ISLR2: variants seen among roughly 807,000 people sequenced by gnomAD.
The protein encoded by ISLR2 is immunoglobulin superfamily containing leucine rich repeat 2, also known as immunoglobulin superfamily containing leucine-rich repeat protein 2.
ISLR2 carries 16 observed loss-of-function variants against 25.5 expected under a neutral mutation model. That is an observed-to-expected ratio of 0.63 (90% CI 0.43 to 0.95). The LOEUF (loss-of-function observed/expected upper bound fraction) is 0.95. Among genes scored for constraint, ISLR2 ranks in the 40% least tolerant of loss-of-function variants. The probability of loss-of-function intolerance (pLI) is 0.00; values close to 1 mark genes in which losing one functional copy is unlikely to be tolerated. For missense variants in ISLR2, 883 were observed against 1,030.7 expected (o/e 0.86, Z 1.96); for synonymous variants, 508 against 486.6 (o/e 1.04, Z -0.58).
chr15:74,130,348 G>C (rs1479069753), upstream of ISLR2: 1 of 152,110 alleles, frequency 6.6e-6, no homozygotes, highest in Non-Finnish European at 1.5e-5. Flanking sequence ...GGGAGGAGGC[G>C]GCTAGCAGCG....
chr15:74,133,555 G>A lies in ISLR2; in HGVS notation c.801G>A (p.Thr267=). 1.2e-6 allele frequency: 2 copies of A among 1,614,122 alleles called. No homozygotes were observed. The highest frequency in any genetic ancestry group is 1.7e-6 in the Non-Finnish European group (2 of 1,179,990). The change falls in exon 3 of 3, where the codon ACG becomes ACA. Residue 267 remains threonine, a synonymous_variant. Transcript: ENST00000453268. ...VLHCIADGHP[T]PRLQWQLQIP... Reference sequence around the variant, plus strand: ...ACTGCATCGCCGACGGCCACCCTACGCCTCGCCTGCAATGGCAACTTCAGA... The same window carrying A: ...ACTGCATCGCCGACGGCCACCCTACACCTCGCCTGCAATGGCAACTTCAGA...
At position 74,134,072 on chromosome 15, in the gene ISLR2, A is replaced by G. The variant is rs780472428; in HGVS notation, c.1318A>G (p.Ser440Gly). The G allele has an allele frequency of 3.2e-5, 52 of 1,613,564 alleles. No homozygotes were observed. The Middle Eastern group carries it at 6.6e-4, about 20-fold the overall frequency. The change falls in exon 3 of 3, where the codon AGT (serine) becomes GGT (glycine). Residue 440 changes from serine (S) to glycine (G), a missense_variant. By Grantham distance (56) the Ser-to-Gly change is moderately conservative. This residue lies in a region of ISLR2 where 612 missense variants were observed against 642.8 expected (regional missense o/e 0.95). Coordinates refer to ENST00000453268, the MANE Select transcript of ISLR2 (RefSeq NM_020851.3). The part of the protein sequence containing the change: ...ETETEPEEDT[S>G]EGEEAEDQIL... ...CGAGACGGAGCCGGAGGAGGACACA[A>G]GTGAGGGAGAGGAGGCCGAAGACCA...
At chr15:74,138,920 C>G (rs536904813), downstream of ISLR2, among the ~76,000 whole-genome samples, 2 of 152,314 alleles carry the variant, frequency 1.3e-5, no homozygotes, top group South Asian at 4.1e-4. Flanking sequence ...TGGGAACAGG[C>G]CTGGCTGGGC....
intron 2 of ISLR2, among the ~76,000 whole-genome samples, chr15:74,104,099 C>G (rs977182319): frequency 2.6e-5 from 4 of 152,144 alleles, no homozygotes; most frequent in African/African-American, 7.2e-5. Context: ...AGAGGTATTC[C>G]CATTAAGGTC....
intron 2 of ISLR2, among the ~76,000 whole-genome samples, chr15:74,115,098 C>A (rs2072200474): frequency 6.6e-6 from 1 of 152,160 alleles, no homozygotes; most frequent in Non-Finnish European, 1.5e-5. Context: ...AGAAGAATCC[C>A]CGGAGCTCAC....
In ISLR2 at chr15:74,106,206, A is replaced by T. The variant is rs1567153041; in HGVS notation, n.228+2292A>T. 2.6e-5 allele frequency among the ~76,000 whole-genome samples: 4 copies of T among 152,054 alleles called. 1 individual carries two copies. Among genetic ancestry groups the T allele is most frequent in the East Asian group, 1.9e-4 (1 of 5,196 alleles). ...ACCCCGTCTCAAGAAAAGTGCTCAGATGCACCCTTACATGAAGCCACCTTG... is the reference window on the plus strand; with the variant it reads ...ACCCCGTCTCAAGAAAAGTGCTCAGTTGCACCCTTACATGAAGCCACCTTG... On this transcript the variant is annotated intron_variant and non_coding_transcript_variant, in intron 2 of 3. Coordinates refer to the ISLR2 transcript ENST00000561975.
intron 1 of ISLR2, among the ~76,000 whole-genome samples, chr15:74,101,970 T>C (rs1207865230): frequency 7.4e-6 from 1 of 135,056 alleles, no homozygotes; most frequent in East Asian, 2.2e-4. Flanking sequence ...ATCCTAGCAC[T>C]TTGGGAGGCC....
chr15:74,141,261 A>G (rs2072609357), downstream of ISLR2, among the ~76,000 whole-genome samples: 1 of 152,254 alleles, frequency 6.6e-6, no homozygotes, highest in South Asian at 2.1e-4. Flanking sequence ...GCTTACATGT[A>G]TTCCCTTGTG....
chr15:74,140,223 C>T (rs200052945), downstream of ISLR2, among the ~76,000 whole-genome samples: 59 of 152,232 alleles, frequency 3.9e-4, no homozygotes, highest in East Asian at 2.3e-3. Flanking sequence ...GTCCTCTGGT[C>T]CCAGATCTTG....
chr15:74,112,981 C>T (rs571586269), intron 2 of ISLR2, among the ~76,000 whole-genome samples: 1 of 152,296 alleles, frequency 6.6e-6, no homozygotes, highest in African/African-American at 2.4e-5. Flanking sequence ...GCACATGCCA[C>T]CAGCAGTCCT....
At chr15:74,137,753 T>C (rs2072584584), downstream of ISLR2, among the ~76,000 whole-genome samples, 1 of 152,040 alleles carries the variant, frequency 6.6e-6, no homozygotes, top group African/African-American at 2.4e-5. Flanking sequence ...TGCTTCCAAT[T>C]TCTTGTCCTC....
intron 2 of ISLR2, among the ~76,000 whole-genome samples, chr15:74,116,064 G>A: frequency 6.6e-6 from 1 of 151,318 alleles, no homozygotes; most frequent in East Asian, 2.0e-4. Context: ...AGGCATGGTG[G>A]CATGCACCTG....
At chr15:74,109,562 C>A (rs4078786) in intron 2 of ISLR2, among the ~76,000 whole-genome samples, 1 of 151,800 alleles carries the variant, frequency 6.6e-6, no homozygotes, top group East Asian at 2.0e-4. Flanking sequence ...TTAGGCGATA[C>A]GGGGATGAAT....
At position 74,133,424 on chromosome 15, in the gene ISLR2, C is replaced by A. The variant is rs757613844; in HGVS notation, c.670C>A (p.Arg224Ser). ...CGCGCTGCAGGGGGTGCCGGTGTAC[C>A]GCCTGCCCGCCCTGCCCTGTGCACC... is the stretch of plus-strand genomic sequence containing the variant. Reference protein sequence around the residue: ...PPALQGVPVYRLPALPCAPPS... With the variant: ...PPALQGVPVYSLPALPCAPPS... The change falls in exon 3 of 3, where the codon CGC becomes AGC. Residue 224 changes from arginine (R) to serine (S), a missense_variant. Physicochemically the swap from Arg to Ser is moderately radical, Grantham distance 110. This residue lies in a region of ISLR2 where 271 missense variants were observed against 387.9 expected (regional missense o/e 0.70). Coordinates refer to ENST00000453268, the MANE Select transcript of ISLR2 (RefSeq NM_020851.3). 2.5e-6 allele frequency: 4 copies of A among 1,607,828 alleles called. No homozygotes were observed. The African/African-American group carries it at 5.3e-5, about 21-fold the overall frequency.
In ISLR2 at chr15:74,133,706, A is replaced by T. The variant is rs2072486669; in HGVS notation, c.952A>T (p.Thr318Ser). The T allele has an allele frequency of 1.2e-6, 2 of 1,607,784 alleles. No homozygotes were observed. The highest frequency in any genetic ancestry group is 1.7e-6 in the Non-Finnish European group (2 of 1,177,174). The change falls in exon 3 of 3, where the codon ACT becomes TCT. Residue 318 changes from threonine (T) to serine (S), a missense_variant. Thr to Ser is a moderately conservative substitution (Grantham distance 58). This residue lies in a region of ISLR2 where 612 missense variants were observed against 642.8 expected (regional missense o/e 0.95). Transcript: ENST00000453268. ...LLTQTQAQTP[T>S]PAPAWPAPPA... Reference sequence around the variant, plus strand: ...GACGCAGACCCAAGCCCAAACGCCGACTCCAGCACCCGCTTGGCCGGCGCC... The same window carrying T: ...GACGCAGACCCAAGCCCAAACGCCGTCTCCAGCACCCGCTTGGCCGGCGCC...
upstream of ISLR2, chr15:74,128,642 G>A (rs866451156): frequency 2.2e-6 from 1 of 456,342 alleles, no homozygotes; most frequent in Non-Finnish European, 4.4e-6. Context: ...AGGCAAAAAA[G>A]AAAGAAAGAA....
intron 2 of ISLR2, among the ~76,000 whole-genome samples, chr15:74,120,556 CG>C (rs986226685): frequency 1.3e-5 from 2 of 149,868 alleles, no homozygotes; most frequent in African/African-American, 4.9e-5. Context: ...GACCAACCCA[CG>C]GGGAGGCAGA....
downstream of ISLR2, among the ~76,000 whole-genome samples, chr15:74,139,873 T>A (rs1439628761): frequency 5.2e-5 from 7 of 135,496 alleles, no homozygotes; most frequent in African/African-American, 2.2e-4. Context: ...AGTGTGTGTG[T>A]GTGTGTGTGT....
intron 2 of ISLR2, among the ~76,000 whole-genome samples, chr15:74,121,876 T>G (rs1033696028): frequency 3.3e-5 from 5 of 152,176 alleles, no homozygotes; most frequent in Non-Finnish European, 7.3e-5. Context: ...GGGCCTGATT[T>G]GGGGTCAGCA....
Sources: allele counts gnomAD v4.1 joint callset (sites outside exome capture counted in the v4.1 genomes callset), GRCh38; gene constraint gnomAD v4.1.1; regional missense constraint gnomAD v4.1.1; transcripts MANE v1.5; gene names NCBI Gene and HGNC (gene_info 2026-07-23, HGNC 2026-07-21).